Variants in ESCO1 observed in about 807,000 individuals in gnomAD.
The protein encoded by ESCO1 is establishment of sister chromatid cohesion N-acetyltransferase 1.
ESCO1 carries 33 observed loss-of-function variants against 83.5 expected under a neutral mutation model. The observed-to-expected ratio is 0.40, with a 90% CI of 0.30 to 0.53. ESCO1 has a LOEUF of 0.53. ESCO1 is among the 20% of genes least tolerant of loss of function. The pLI, the probability that ESCO1 is intolerant of heterozygous loss-of-function variation, is 0.63. For missense variants in ESCO1, 855 were observed against 968.0 expected (o/e 0.88, Z 1.55); for synonymous variants, 332 against 324.3 (o/e 1.02, Z -0.25).
At chr18:21,559,706 A>C (rs2038158366) in intron 8 of ESCO1, among the ~76,000 whole-genome samples, 1 of 152,238 alleles carries the variant, frequency 6.6e-6, no homozygotes, top group Non-Finnish European at 1.5e-5. Context: ...TTCACAATGC[A>C]AGGATATTAA....
At position 21,560,921 on chromosome 18, in the gene ESCO1, G is replaced by A. The variant is rs1375387062; in HGVS notation, c.1891C>T (p.Pro631Ser). Reference sequence around the variant, plus strand: ...AGCAGATGCTGTGTTTCATCTTCTGGATTTGAAGCTGTATACAGCATTCCA... The same window carrying A: ...AGCAGATGCTGTGTTTCATCTTCTGAATTTGAAGCTGTATACAGCATTCCA... ...VCGMLYTASN[P>S]EDETQHLLFH... is the part of the protein sequence containing the mutation. Residue 631 changes from proline (P) to serine (S), a missense_variant, in exon 8 of 12, where the codon CCA becomes TCA. Around this residue, in one of 2 missense-constraint regions of ESCO1, gnomAD observed 129 missense variants for 268.5 expected, o/e 0.48. Transcript: ENST00000269214. 4 of 1,608,684 alleles carry A rather than the reference G, an allele frequency of 2.5e-6. No individual in the cohort carries two copies. The highest frequency in any genetic ancestry group is 3.4e-6 in the Non-Finnish European group (4 of 1,178,212).
At chr18:21,559,865 C>G (rs2038160503) in intron 8 of ESCO1, among the ~76,000 whole-genome samples, 1 of 152,050 alleles carries the variant, frequency 6.6e-6, no homozygotes, top group Non-Finnish European at 1.5e-5. Context: ...AGGATGACCA[C>G]AGGTAGAGAA....
At chr18:21,540,592 T>C (rs774381681) in intron 8 of ESCO1, 4 of 1,326,556 alleles carry the variant, frequency 3.0e-6, no homozygotes, top group South Asian at 2.4e-5. Flanking sequence ...AAGAATCTAA[T>C]AGGGAAGGAG....
At position 21,574,453 on chromosome 18, in the gene ESCO1, C is replaced by T. The variant is rs1402867788; in HGVS notation, c.391G>A (p.Val131Ile). ...RSQRLQQLTEVSRRSLRSREI... is the reference protein window; with the variant it reads ...RSQRLQQLTEISRRSLRSREI... ...CTACTGCGTAACGACCTTCTTGAAA[C>T]CTCTGTTAATTGTTGTAGCCTTTGT... The change falls in exon 4 of 12, where the codon GTT becomes ATT. Residue 131 changes from valine to isoleucine, a missense_variant. Around this residue, in one of 2 missense-constraint regions of ESCO1, gnomAD observed 726 missense variants for 699.5 expected, o/e 1.04. Coordinates refer to ENST00000269214, the MANE Select transcript of ESCO1 (RefSeq NM_052911.3). The T allele has an allele frequency of 1.2e-6, 2 of 1,614,118 alleles. No individual in the cohort carries two copies. The highest frequency in any genetic ancestry group is 1.7e-6 in the Non-Finnish European group (2 of 1,180,018).
intron 9 of ESCO1, among the ~76,000 whole-genome samples, chr18:21,538,116 G>T (rs1189560663): frequency 6.6e-6 from 1 of 151,964 alleles, no homozygotes; most frequent in African/African-American, 2.4e-5. Flanking sequence ...AAGGTTACCA[G>T]TCAACAGTAG....
chr18:21,540,841 C>T (rs2037897104), intron 8 of ESCO1: 1 of 651,118 alleles, frequency 1.5e-6, no homozygotes, highest in Non-Finnish European at 1.9e-6. Context: ...TTGTCTTAAC[C>T]CAACCAACTT....
intron 1 of ESCO1, among the ~76,000 whole-genome samples, chr18:21,594,105 C>T (rs571891978): frequency 1.2e-4 from 19 of 152,332 alleles, no homozygotes; most frequent in African/African-American, 4.6e-4. Context: ...CCCTAGTCCT[C>T]ACAATCAAAA....
intron 1 of ESCO1, among the ~76,000 whole-genome samples, chr18:21,585,704 C>T (rs1397277484): frequency 6.6e-6 from 1 of 152,126 alleles, no homozygotes; most frequent in African/African-American, 2.4e-5. Flanking sequence ...GTGATCATCC[C>T]ATCTCAGCCT....
intron 1 of ESCO1, among the ~76,000 whole-genome samples, chr18:21,596,565 T>C (rs1398502965): frequency 6.6e-6 from 1 of 151,288 alleles, no homozygotes; most frequent in Admixed American, 6.6e-5. Context: ...AGGCATGGTG[T>C]CTCACGCCTG....
At chr18:21,540,459 CAGG>C in intron 8 of ESCO1, 1 of 829,996 alleles carries the variant, frequency 1.2e-6, no homozygotes, top group Non-Finnish European at 1.5e-6. Context: ...CAAAGACCTC[CAGG>C]AGGTTTTAAA....
At chr18:21,533,295 G>T (rs1287413777) in intron 10 of ESCO1, among the ~76,000 whole-genome samples, 1 of 151,790 alleles carries the variant, frequency 6.6e-6, no homozygotes, top group African/African-American at 2.4e-5. Flanking sequence ...ACAATTGGTT[G>T]TTTTTTTTGT....
Position 21,566,231 on chromosome 18 carries a change from TTA to T in ESCO1, c.1646-27_1646-26del, listed in dbSNP as rs140515156. ...CCTGTAATTTAATCAAGAAGGTGGG[TTA>T]TATATTGAGTTTTATACTAGTTTTC... On this transcript the variant is annotated intron_variant, in intron 5 of 11. Transcript: ENST00000269214. The T allele has an allele frequency of 2.6e-3, 4,179 of 1,604,926 alleles. 84 individuals are homozygous for T. In the African/African-American group the frequency reaches 0.048, roughly 19 times the overall value.
chr18:21,596,280 T>C (rs1444636062), intron 1 of ESCO1, among the ~76,000 whole-genome samples: 1 of 151,828 alleles, frequency 6.6e-6, no homozygotes, highest in East Asian at 1.9e-4. Flanking sequence ...TAAAGCTACT[T>C]GGAGTCCTAC....
chr18:21,537,885 T>C (rs993068877), intron 9 of ESCO1, among the ~76,000 whole-genome samples: 2 of 152,178 alleles, frequency 1.3e-5, no homozygotes, highest in Non-Finnish European at 2.9e-5. Context: ...AACAAAAGTT[T>C]GAACTGTGTG....
chr18:21,595,315 G>T (rs1793853138), intron 1 of ESCO1, among the ~76,000 whole-genome samples: 1 of 141,466 alleles, frequency 7.1e-6, no homozygotes, highest in Non-Finnish European at 1.5e-5. Context: ...GGTGAGCCGA[G>T]ATCACGCCAC....
chr18:21,530,890 C>T (rs560992320), intron 11 of ESCO1, among the ~76,000 whole-genome samples: 1 of 152,000 alleles, frequency 6.6e-6, no homozygotes, highest in East Asian at 1.9e-4. Context: ...TGGAGGTTCT[C>T]GTCATGAGGA....
intron 4 of ESCO1, among the ~76,000 whole-genome samples, chr18:21,571,379 G>A (rs2038339341): frequency 6.6e-6 from 1 of 151,976 alleles, no homozygotes; most frequent in Admixed American, 6.6e-5. Flanking sequence ...AGAAGAGATG[G>A]GGTTTCACCA....
chr18:21,577,826 T>C (rs543084865), intron 2 of ESCO1, among the ~76,000 whole-genome samples: 1 of 152,140 alleles, frequency 6.6e-6, no homozygotes, highest in African/African-American at 2.4e-5. Flanking sequence ...AAGGAATAAA[T>C]AGGAATATAC....
rs754362011 is a variant in ESCO1 at position 21,573,913 on chromosome 18, C to A, written c.931G>T (p.Ala311Ser). 1 of 1,614,024 alleles carries A rather than the reference C, an allele frequency of 6.2e-7. No individual in the cohort carries two copies. The highest frequency in any genetic ancestry group is 8.5e-7 in the Non-Finnish European group (1 of 1,180,026). The change falls in exon 4 of 12, where the codon GCT becomes TCT. Residue 311 changes from alanine to serine, a missense_variant. Coordinates refer to ENST00000269214, the MANE Select transcript of ESCO1 (RefSeq NM_052911.3). ...ACATTATCTGACTCAATTTCACCAG[C>A]AATTTCTTCACAGAGCTGGAGAATA... ...GSILQLCEEI[A>S]GEIESDNVEV...
Sources: gnomAD v4.1 joint callset for allele counts (sites outside exome capture counted in the v4.1 genomes callset) on GRCh38, gnomAD v4.1.1 for gene constraint, gnomAD v4.1.1 regional missense constraint, MANE v1.5 for transcripts, NCBI Gene and HGNC (gene_info 2026-07-23, HGNC 2026-07-21) for gene names.